GABRG3: variants seen among roughly 807,000 people sequenced by gnomAD.
GABRG3 encodes gamma-aminobutyric acid type A receptor subunit gamma3, also known as gamma-aminobutyric acid receptor subunit gamma-3.
Under a neutral mutation model 48.8 loss-of-function variants are expected in GABRG3, and 25 were observed. That is an observed-to-expected ratio of 0.51 (90% CI 0.37 to 0.72). The LOEUF (loss-of-function observed/expected upper bound fraction) is 0.72, where lower values mean the gene tolerates loss of function less well. Ranked by LOEUF, GABRG3 falls within the 30% of genes least tolerant of loss-of-function variation. The pLI is 0.00. For missense variants in GABRG3, 394 were observed against 577.9 expected, an observed-to-expected ratio of 0.68 and a Z score of 3.26; for synonymous variants, 227 against 217.6, an observed-to-expected ratio of 1.04 and a Z score of -0.38.
chr15:27,463,206 A>G (rs562804112), intron 5 of GABRG3, among the ~76,000 whole-genome samples: 1 of 152,342 alleles, frequency 6.6e-6, no homozygotes, highest in South Asian at 2.1e-4. Flanking sequence ...TCTTTATATT[A>G]GACAAAAAAG....
intron 3 of GABRG3, among the ~76,000 whole-genome samples, chr15:27,097,005 T>A (rs1232379482): frequency 9.3e-6 from 1 of 107,540 alleles, no homozygotes; most frequent in East Asian, 2.8e-4. Context: ...CATACCCGGC[T>A]ATTTTTTTTT....
intron 3 of GABRG3, among the ~76,000 whole-genome samples, chr15:27,219,687 A>G (rs907728415): frequency 6.6e-6 from 1 of 152,162 alleles, no homozygotes; most frequent in Non-Finnish European, 1.5e-5. Flanking sequence ...CTGGCTGGCC[A>G]CTGTTGGGTG....
In GABRG3 at chr15:27,271,289, G is replaced by A. The variant is rs139165195; in HGVS notation, c.271-55520G>A. 1.2e-3 allele frequency among the ~76,000 whole-genome samples: 183 copies of A among 152,314 alleles called. 5 individuals carry two copies. In the East Asian group the frequency reaches 0.032, roughly 27 times the overall value. On this transcript the variant is annotated intron_variant, in intron 3 of 9. Coordinates refer to ENST00000615808, the MANE Select transcript of GABRG3 (RefSeq NM_033223.5). Reference sequence around the variant, plus strand: ...ATCCTGACCCATTCTCCAGCCCTGCGACAGACCTTTGAGGTGTGTGTGGCT... The same window carrying A: ...ATCCTGACCCATTCTCCAGCCCTGCAACAGACCTTTGAGGTGTGTGTGGCT...
At chr15:27,268,175 T>C (rs550207136) in intron 3 of GABRG3, among the ~76,000 whole-genome samples, 16 of 152,328 alleles carry the variant, frequency 1.1e-4, no homozygotes, top group African/African-American at 2.9e-4. Flanking sequence ...CATGGAGTTT[T>C]TTTATGGGAA....
intron 2 of GABRG3, among the ~76,000 whole-genome samples, chr15:27,025,661 G>A (rs1490638993): frequency 1.3e-5 from 2 of 152,162 alleles, no homozygotes; most frequent in African/African-American, 4.8e-5. Flanking sequence ...GCAATTTTAC[G>A]AGACCGAGAG....
At chr15:27,407,872 G>A (rs1455250638) in intron 5 of GABRG3, among the ~76,000 whole-genome samples, 1 of 152,178 alleles carries the variant, frequency 6.6e-6, no homozygotes, top group Non-Finnish European at 1.5e-5. Context: ...AAACTACTCT[G>A]TACGATATTA....
intron 3 of GABRG3, among the ~76,000 whole-genome samples, chr15:27,152,906 G>A (rs1402231720): frequency 1.3e-5 from 2 of 150,698 alleles, no homozygotes; most frequent in African/African-American, 4.9e-5. Flanking sequence ...TGTCGCCCAG[G>A]CTGGAGTGCA....
intron 3 of GABRG3, among the ~76,000 whole-genome samples, chr15:27,291,880 TGA>T (rs1455687757): frequency 6.6e-6 from 1 of 152,148 alleles, no homozygotes. Context: ...TGTATGTGTG[TGA>T]GAGAGAAAGG....
intron 5 of GABRG3, chr15:27,350,066 A>G (rs749405902): frequency 8.8e-6 from 4 of 455,534 alleles, no homozygotes; most frequent in Non-Finnish European, 1.8e-5. Context: ...TACACACAAA[A>G]TCTCTAATTT....
chr15:27,146,172 C>G (rs1172045212), intron 3 of GABRG3, among the ~76,000 whole-genome samples: 1 of 152,128 alleles, frequency 6.6e-6, no homozygotes, highest in Non-Finnish European at 1.5e-5. Context: ...AAGAAATAAC[C>G]TGCCAGGCAC....
Position 27,484,066 on chromosome 15 carries a change from C to T in GABRG3, c.712+3279C>T, listed in dbSNP as rs550474070. Among the ~76,000 whole-genome samples the T allele has an allele frequency of 4.8e-3, 726 of 152,288 alleles. 6 individuals are homozygous for T. The highest frequency in any genetic ancestry group is 0.017 in the African/African-American group (695 of 41,560). On this transcript the variant is annotated intron_variant, in intron 6 of 9. Transcript: ENST00000615808. ...TCTCCTGCCTCAGCCTCTCGAGTAGCTGGGATTACAGGCTCCTGCCACCAC... is the reference window on the plus strand; with the variant it reads ...TCTCCTGCCTCAGCCTCTCGAGTAGTTGGGATTACAGGCTCCTGCCACCAC...
chr15:26,987,201 T>C (rs1191309615), intron 2 of GABRG3, among the ~76,000 whole-genome samples: 3 of 150,502 alleles, frequency 2.0e-5, no homozygotes, highest in African/African-American at 4.9e-5. Context: ...GAGCTTGCAG[T>C]GAGCCGAGAT....
intron 3 of GABRG3, among the ~76,000 whole-genome samples, chr15:27,218,225 T>C (rs886862071): frequency 2.0e-5 from 3 of 152,148 alleles, no homozygotes; most frequent in Admixed American, 2.0e-4. Flanking sequence ...GGTCTCACCA[T>C]GTTGCCCAGG....
chr15:27,392,088 A>G (rs1887150823), intron 5 of GABRG3, among the ~76,000 whole-genome samples: 1 of 152,244 alleles, frequency 6.6e-6, no homozygotes, highest in Non-Finnish European at 1.5e-5. Context: ...AACACTGTGA[A>G]GACAGCACAG....
chr15:27,324,997 A>G lies in GABRG3; in HGVS notation c.271-1812A>G, dbSNP rs544283768. Among the ~76,000 whole-genome samples the G allele has an allele frequency of 4.3e-5, 5 of 116,512 alleles. No individual in the cohort carries two copies. The South Asian group carries it at 1.1e-3, about 25-fold the overall frequency. The allele number at this position is 116,512 out of a possible 152,430, so 76.4% of individuals were successfully genotyped here. Reference sequence around the variant, plus strand: ...GTGATTATTTCTGCCAGGTTGTTTCAATGGACTTTGGCACTGCAAAGTCCC... The same window carrying G: ...GTGATTATTTCTGCCAGGTTGTTTCGATGGACTTTGGCACTGCAAAGTCCC... On this transcript the variant is annotated intron_variant, in intron 3 of 9. Transcript: ENST00000615808.
rs1441478453 is a variant in GABRG3 at position 27,447,195 on chromosome 15, G to T, written c.575-33455G>T. Reference sequence around the variant, plus strand: ...GAGTAAGGCAAGGCTTGGGAAGAAGGTTCCCATTCCAACCAGAGACATAAT... The same window carrying T: ...GAGTAAGGCAAGGCTTGGGAAGAAGTTTCCCATTCCAACCAGAGACATAAT... On this transcript the variant is annotated intron_variant, in intron 5 of 9. Transcript: ENST00000615808. This position sits in a 1 kb window ranked among gnomAD's most constrained non-coding sequence, Gnocchi z 4.0. Among the ~76,000 whole-genome samples the T allele has an allele frequency of 1.3e-5, 2 of 152,170 alleles. No individual in the cohort carries two copies. Among genetic ancestry groups the T allele is most frequent in the East Asian group, 3.9e-4 (2 of 5,182 alleles).
chr15:27,060,328 T>C (rs1161556864), intron 3 of GABRG3, among the ~76,000 whole-genome samples: 4 of 152,252 alleles, frequency 2.6e-5, no homozygotes, highest in African/African-American at 4.8e-5. Context: ...CACTGGCCCC[T>C]GAGCAGGGTT....
At chr15:27,459,352 T>C (rs1889382538) in intron 5 of GABRG3, among the ~76,000 whole-genome samples, 1 of 152,148 alleles carries the variant, frequency 6.6e-6, no homozygotes, top group Admixed American at 6.5e-5. Flanking sequence ...TCAGGAGTTT[T>C]CCAAAAGGAA....
intron 3 of GABRG3, among the ~76,000 whole-genome samples, chr15:27,100,747 GA>G (rs1300192812): frequency 3.3e-5 from 5 of 152,134 alleles, no homozygotes; most frequent in Admixed American, 1.3e-4. Context: ...CATTTTATGC[GA>G]AAATGTATTT....
Sources: allele counts gnomAD v4.1 joint callset (sites outside exome capture counted in the v4.1 genomes callset), GRCh38; gene constraint gnomAD v4.1.1; non-coding constraint Gnocchi (gnomAD v3.1); transcripts MANE v1.5; gene names NCBI Gene and HGNC (gene_info 2026-07-23, HGNC 2026-07-21).